PPP2R2C: variants seen among roughly 807,000 people sequenced by gnomAD.
PPP2R2C encodes protein phosphatase 2 regulatory subunit Bgamma, also known as protein phosphatase 2, regulatory subunit B, gamma.
A neutral mutation model predicts 45.3 loss-of-function variants in PPP2R2C; 10 were observed. The observed-to-expected ratio is 0.22, with a 90% CI of 0.14 to 0.37. PPP2R2C has a LOEUF of 0.37. Among genes scored for constraint, PPP2R2C ranks in the 10% least tolerant of loss-of-function variants. PPP2R2C has a pLI of 1.00. For missense variants in PPP2R2C, 308 were observed against 619.7 expected, an observed-to-expected ratio of 0.50 and a Z score of 5.34; for synonymous variants, 257 against 245.4, an observed-to-expected ratio of 1.05 and a Z score of -0.44.
intron 1 of PPP2R2C, among the ~76,000 whole-genome samples, chr4:6,400,926 T>G (rs1717375621): frequency 6.6e-6 from 1 of 151,922 alleles, no homozygotes. Context: ...GAGCTGGGAG[T>G]TGAGGAACAT....
intron 1 of PPP2R2C, among the ~76,000 whole-genome samples, chr4:6,387,213 A>G (rs534802650): frequency 8.3e-4 from 127 of 152,292 alleles, no homozygotes; most frequent in Middle Eastern, 3.4e-3. Context: ...AAATTCCTCA[A>G]TTTGGTAAAA....
chr4:6,347,788 A>T, intron 6 of PPP2R2C, 58 bp downstream of exon 6: 1 of 1,328,040 alleles, frequency 7.5e-7, no homozygotes, highest in Non-Finnish European at 1.0e-6. Context: ...AGGACAGGAC[A>T]TCCCACCCGC....
chr4:6,394,949 T>C (rs778454006), intron 1 of PPP2R2C, among the ~76,000 whole-genome samples: 2 of 152,182 alleles, frequency 1.3e-5, no homozygotes, highest in Non-Finnish European at 2.9e-5. Flanking sequence ...CATAATTCCC[T>C]GAGCTGGGTG....
At chr4:6,430,388 G>A (rs1355878635) in intron 1 of PPP2R2C, among the ~76,000 whole-genome samples, 3 of 152,186 alleles carry the variant, frequency 2.0e-5, no homozygotes, top group Non-Finnish European at 2.9e-5. Context: ...CCACCTGACT[G>A]CCTGGTATCA....
At chr4:6,451,095 G>A (rs1181368564) in intron 1 of PPP2R2C, among the ~76,000 whole-genome samples, 1 of 152,190 alleles carries the variant, frequency 6.6e-6, no homozygotes, top group Non-Finnish European at 1.5e-5. Flanking sequence ...GATGCTCTGG[G>A]CAGCTCAGCC....
intron 2 of PPP2R2C, among the ~76,000 whole-genome samples, chr4:6,484,443 C>G (rs1177179881): frequency 6.6e-6 from 1 of 151,428 alleles, no homozygotes; most frequent in Admixed American, 6.6e-5. Context: ...TCTTCTATTT[C>G]AAAGTTGTTT....
intron 1 of PPP2R2C, among the ~76,000 whole-genome samples, chr4:6,468,285 C>A (rs71599895): frequency 6.6e-6 from 1 of 152,164 alleles, no homozygotes; most frequent in Admixed American, 6.5e-5. Flanking sequence ...CTGCCTGCTG[C>A]GTTCAGACAG....
chr4:6,493,834 C>T (rs182536862), intron 2 of PPP2R2C, among the ~76,000 whole-genome samples: 6 of 152,212 alleles, frequency 3.9e-5, no homozygotes, highest in African/African-American at 1.2e-4. Context: ...ACTCTTTAGT[C>T]GGGAGCCGTA....
At chr4:6,433,369 C>A (rs570521598) in intron 1 of PPP2R2C, among the ~76,000 whole-genome samples, 7 of 152,202 alleles carry the variant, frequency 4.6e-5, no homozygotes, top group Admixed American at 2.6e-4. Flanking sequence ...CCAGTGGTGG[C>A]ATGAGTTTCC....
chr4:6,478,653 GT>G (rs1722247541), intron 2 of PPP2R2C, among the ~76,000 whole-genome samples: 1 of 152,236 alleles, frequency 6.6e-6, no homozygotes, highest in Admixed American at 6.5e-5. Context: ...TTGCCAGCTG[GT>G]GGCTGAGCAC....
At chr4:6,510,753 G>A (rs1273862241) in intron 2 of PPP2R2C, among the ~76,000 whole-genome samples, 12 of 152,000 alleles carry the variant, frequency 7.9e-5, no homozygotes, top group Non-Finnish European at 1.3e-4. Flanking sequence ...CGAGGTGGGC[G>A]GACCCCGAGG....
At chr4:6,326,397 T>A (rs890614375) in intron 8 of PPP2R2C, among the ~76,000 whole-genome samples, 1 of 151,964 alleles carries the variant, frequency 6.6e-6, no homozygotes, top group Non-Finnish European at 1.5e-5. Flanking sequence ...TGTGTTTGAC[T>A]CCCGCACCCG....
intron 2 of PPP2R2C, among the ~76,000 whole-genome samples, chr4:6,479,902 G>T (rs1428532614): frequency 1.3e-5 from 2 of 151,030 alleles, no homozygotes; most frequent in East Asian, 3.9e-4. Context: ...GTAGACACAG[G>T]GTCTCACTAT....
rs993498024 is a variant in PPP2R2C at position 6,349,771 on chromosome 4, G to C, written c.626-1761C>G. 3 of 739,154 alleles carry C rather than the reference G, an allele frequency of 4.1e-6. No individual in the cohort carries two copies. In the African/African-American group the frequency reaches 5.7e-5, roughly 14 times the overall value. The allele number at this position is 739,154 out of a possible 1,614,324, so 45.8% of individuals were successfully genotyped here. The stretch of plus-strand genomic sequence containing the variant: ...AAATTAGTAGTGGCGTATGCCTGTA[G>C]TCCCAGCTAATCAGGAGGCTGAGGC... On this transcript the variant is annotated intron_variant, in intron 5 of 8. Coordinates refer to ENST00000382599, the MANE Select transcript of PPP2R2C (RefSeq NM_020416.4).
chr4:6,382,318 T>A, intron 1 of PPP2R2C: 1 of 1,289,214 alleles, frequency 7.8e-7, no homozygotes, highest in African/African-American at 1.5e-5. Context: ...AAATCTGTGA[T>A]ACCACCTTTA....
Position 6,510,980 on chromosome 4 carries a change from C to CAAAAAAAAAAAAAA in PPP2R2C, c.49+24290_49+24291insTTTTTTTTTTTTTT, listed in dbSNP as rs752037080. On this transcript the variant is annotated intron_variant, in intron 2 of 9. Coordinates refer to the PPP2R2C transcript ENST00000506140. ...CAACAGAGTGAGACTCCGTCTCAAA[C>CAAAAAAAAAAAAAA]AAAAAAAAACAAACAAACAAAAAAA... Among the ~76,000 whole-genome samples, 16 of 41,374 alleles carry CAAAAAAAAAAAAAA rather than the reference C, an allele frequency of 3.9e-4. 2 individuals carry two copies. The highest frequency in any genetic ancestry group is 2.7e-3 in the East Asian group (3 of 1,098). 27.1% of individuals were successfully genotyped at this position (41,374 alleles called of 152,430 possible).
chr4:6,558,830 C>T (rs902561343), intron 1 of PPP2R2C, among the ~76,000 whole-genome samples: 4 of 152,200 alleles, frequency 2.6e-5, no homozygotes, highest in Non-Finnish European at 5.9e-5. Context: ...GTCTCCCTGC[C>T]TGGCCTCCCA....
intron 1 of PPP2R2C, among the ~76,000 whole-genome samples, chr4:6,540,103 T>C (rs1724761772): frequency 6.6e-6 from 1 of 152,258 alleles, no homozygotes; most frequent in East Asian, 1.9e-4. Context: ...TTTACTTTTA[T>C]AAAGTGTACA....
intron 2 of PPP2R2C, among the ~76,000 whole-genome samples, chr4:6,527,943 G>C (rs941127383): frequency 6.6e-6 from 1 of 152,196 alleles, no homozygotes; most frequent in Non-Finnish European, 1.5e-5. Flanking sequence ...GGCACAGCCC[G>C]TGAGCCCAGA....
Sources: gnomAD v4.1 joint callset for allele counts (sites outside exome capture counted in the v4.1 genomes callset) on GRCh38, gnomAD v4.1.1 for gene constraint, MANE v1.5 for transcripts, NCBI Gene and HGNC (gene_info 2026-07-23, HGNC 2026-07-21) for gene names.